The following BABAM2 variants were observed in gnomAD, a reference collection of about 807,000 sequenced individuals.
BABAM2 encodes the protein BRISC and BRCA1-A complex member 2.
In BABAM2, 31 loss-of-function variants were observed where a neutral mutation model predicts 54.7. The ratio of observed to expected loss-of-function variants is 0.57; its 90% CI spans 0.43 to 0.77. The LOEUF (loss-of-function observed/expected upper bound fraction) is 0.77, where lower values mean the gene tolerates loss of function less well. Ranked by LOEUF, BABAM2 falls within the 30% of genes least tolerant of loss-of-function variation. The probability of loss-of-function intolerance (pLI) is 0.00; values close to 1 mark genes in which losing one functional copy is unlikely to be tolerated. For synonymous variants in BABAM2, 167 were observed against 162.9 expected, an observed-to-expected ratio of 1.03 and a Z score of -0.19; for missense variants, 364 against 455.8, an observed-to-expected ratio of 0.80 and a Z score of 1.83.
chr2:28,074,391 T>C (rs1342925000), intron 6 of BABAM2, among the ~76,000 whole-genome samples: 2 of 152,164 alleles, frequency 1.3e-5, no homozygotes, highest in Non-Finnish European at 2.9e-5. Flanking sequence ...TAGCCAAAAA[T>C]ATCTATAGAT....
intron 10 of BABAM2, among the ~76,000 whole-genome samples, chr2:28,257,947 C>T (rs1054572497): frequency 1.3e-5 from 2 of 152,026 alleles, no homozygotes; most frequent in East Asian, 1.9e-4. Flanking sequence ...GAGGCTGATG[C>T]GGGCAGATCA....
At chr2:28,208,459 T>A (rs1021818929) in intron 7 of BABAM2, among the ~76,000 whole-genome samples, 6 of 152,238 alleles carry the variant, frequency 3.9e-5, no homozygotes, top group Non-Finnish European at 8.8e-5. Context: ...GAACCCAGCC[T>A]GATGGGACTG....
At chr2:27,927,997 C>G (rs182691384) in intron 2 of BABAM2, among the ~76,000 whole-genome samples, 50 of 152,064 alleles carry the variant, frequency 3.3e-4, no homozygotes, top group African/African-American at 1.2e-3. Context: ...GTGCCTGCCA[C>G]CATGCCTGGT....
At chr2:28,145,828 A>C (rs186968422) in intron 7 of BABAM2, among the ~76,000 whole-genome samples, 1 of 152,318 alleles carries the variant, frequency 6.6e-6, no homozygotes, top group African/African-American at 2.4e-5. Flanking sequence ...GGAATCATAC[A>C]ATATGTGGTC....
At chr2:28,236,141 T>C (rs1471629579) in intron 7 of BABAM2, among the ~76,000 whole-genome samples, 1 of 152,086 alleles carries the variant, frequency 6.6e-6, no homozygotes, top group Non-Finnish European at 1.5e-5. Flanking sequence ...TCCCATCATA[T>C]TACAGAGAGG....
chr2:27,978,687 C>T (rs549602148), intron 3 of BABAM2, among the ~76,000 whole-genome samples: 3 of 152,180 alleles, frequency 2.0e-5, no homozygotes, highest in Non-Finnish European at 2.9e-5. Context: ...AGGTTTGTTA[C>T]GTGGGTAAAT....
upstream of BABAM2, chr2:27,889,951 G>A (rs1664681845): frequency 1.0e-5 from 3 of 299,794 alleles, no homozygotes; most frequent in Admixed American, 5.1e-5. Context: ...CTCAGCAGCC[G>A]GGCCAAGAAA....
Position 28,048,558 on chromosome 2 carries a change from G to A in BABAM2, c.570+2759G>A, listed in dbSNP as rs1011138809. 3.9e-5 allele frequency among the ~76,000 whole-genome samples: 6 copies of A among 152,162 alleles called. No homozygotes were observed. The South Asian group carries it at 1.2e-3, about 32-fold the overall frequency. On this transcript the variant is annotated intron_variant, in intron 6 of 11. Transcript: ENST00000379624. ...TGGTTGAAATCCAGCATGAGCTCAT[G>A]TAGACCAGATGAGAAATTTCATACA...
intron 2 of BABAM2, among the ~76,000 whole-genome samples, chr2:27,925,726 C>T (rs1276135518): frequency 6.6e-6 from 1 of 152,192 alleles, no homozygotes; most frequent in Non-Finnish European, 1.5e-5. Context: ...ACACTCCTCT[C>T]CATGACTGAA....
At chr2:28,228,425 A>T (rs976630552) in intron 7 of BABAM2, among the ~76,000 whole-genome samples, 2 of 152,204 alleles carry the variant, frequency 1.3e-5, no homozygotes, top group African/African-American at 4.8e-5. Flanking sequence ...AGTCTAGGAT[A>T]ACTATTGTAT....
chr2:28,162,092 T>A (rs1673158698), intron 7 of BABAM2, among the ~76,000 whole-genome samples: 1 of 152,224 alleles, frequency 6.6e-6, no homozygotes, highest in African/African-American at 2.4e-5. Flanking sequence ...ATGAAACCTT[T>A]TCAATTAATG....
At chr2:28,280,681 T>C (rs937259172) in intron 10 of BABAM2, among the ~76,000 whole-genome samples, 55 of 152,372 alleles carry the variant, frequency 3.6e-4, no homozygotes, top group African/African-American at 1.3e-3. Context: ...ACTCAGGCAC[T>C]ACTTTGCAGA....
At chr2:28,140,462 G>A (rs758791144) in intron 7 of BABAM2, among the ~76,000 whole-genome samples, 2 of 151,900 alleles carry the variant, frequency 1.3e-5, no homozygotes, top group East Asian at 1.9e-4. Flanking sequence ...CTGTTGTCAC[G>A]GTGAATATAC....
Position 28,163,257 on chromosome 2 carries a change from C to T in BABAM2, c.680+33877C>T, listed in dbSNP as rs185449573. On this transcript the variant is annotated intron_variant, in intron 7 of 11. Transcript: ENST00000379624. ...GAAGCTCTGGGTGCCAGCGCTTCTT[C>T]CAGCCAAGTCAGCAGGTGGGCCAGG... 5.4e-3 allele frequency among the ~76,000 whole-genome samples: 826 copies of T among 152,230 alleles called. 8 individuals carry two copies. The highest frequency in any genetic ancestry group is 0.019 in the African/African-American group (790 of 41,540).
chr2:28,312,963 G>A (rs943253540), intron 11 of BABAM2, among the ~76,000 whole-genome samples: 2 of 152,172 alleles, frequency 1.3e-5, no homozygotes, highest in Non-Finnish European at 2.9e-5. Flanking sequence ...CTGGTCCAAA[G>A]CCCAGCCCAA....
chr2:28,024,248 C>CA (rs548125737), intron 4 of BABAM2, among the ~76,000 whole-genome samples: 103 of 151,682 alleles, frequency 6.8e-4, no homozygotes, highest in African/African-American at 2.4e-3. Flanking sequence ...ACTAAAAATA[C>CA]AAAAAAAATT....
At chr2:28,134,309 CT>C (rs1402879772) in intron 7 of BABAM2, 1 of 150,990 alleles carries the variant, frequency 6.6e-6, no homozygotes, top group Non-Finnish European at 1.5e-5. Flanking sequence ...TTTTTTTCCC[CT>C]GGCAGAAAAG....
intron 4 of BABAM2, among the ~76,000 whole-genome samples, chr2:28,008,494 G>A (rs945965439): frequency 6.6e-6 from 1 of 152,138 alleles, no homozygotes; most frequent in Non-Finnish European, 1.5e-5. Flanking sequence ...GCTGAAGTGT[G>A]TATGCTTTGT....
chr2:28,211,765 A>G (rs1679481448), intron 7 of BABAM2, among the ~76,000 whole-genome samples: 1 of 152,060 alleles, frequency 6.6e-6, no homozygotes, highest in African/African-American at 2.4e-5. Context: ...AATCACAGAC[A>G]TTGTCATTTC....
Sources: gnomAD v4.1 joint callset for allele counts (sites outside exome capture counted in the v4.1 genomes callset) on GRCh38, gnomAD v4.1.1 for gene constraint, MANE v1.5 for transcripts, NCBI Gene and HGNC (gene_info 2026-07-23, HGNC 2026-07-21) for gene names.